Variants in CRB1 observed in about 807,000 individuals in gnomAD.
CRB1 encodes crumbs cell polarity complex component 1.
In CRB1, 83 loss-of-function variants were observed where a neutral mutation model predicts 120.0. That is an observed-to-expected ratio of 0.69 (90% CI 0.58 to 0.83). The LOEUF is 0.83. Ranked by LOEUF, CRB1 falls within the 40% of genes least tolerant of loss-of-function variation. The pLI is 0.00. For synonymous variants in CRB1, 625 were observed against 612.5 expected (o/e 1.02, Z -0.30); for missense variants, 1,699 against 1,687.6 (o/e 1.01, Z -0.12).
chr1:197,241,880 G>C, the CRB1 span, among the ~76,000 whole-genome samples: 1 of 151,974 alleles, frequency 6.6e-6, no homozygotes, highest in African/African-American at 2.4e-5. Context: ...GCAGTGGTTT[G>C]TAATTCTCCT....
intron 1 of CRB1, among the ~76,000 whole-genome samples, chr1:197,274,321 T>A (rs1003071095): frequency 6.6e-6 from 1 of 151,746 alleles, no homozygotes; most frequent in Non-Finnish European, 1.5e-5. Context: ...TTTTAGTTTT[T>A]CAGAATCCAC....
chr1:197,369,861 C>G (rs1339565027), intron 5 of CRB1, among the ~76,000 whole-genome samples: 1 of 152,130 alleles, frequency 6.6e-6, no homozygotes. Flanking sequence ...TGCTTAAGCT[C>G]AAATCATGCT....
the CRB1 span, among the ~76,000 whole-genome samples, chr1:197,206,076 G>GT: frequency 6.6e-6 from 1 of 151,810 alleles, no homozygotes; most frequent in Non-Finnish European, 1.5e-5. Context: ...ATGATCTTTT[G>GT]TATTTCTGTG....
chr1:197,453,814 G>T (rs28594101), intron 11 of CRB1, among the ~76,000 whole-genome samples: 1 of 141,716 alleles, frequency 7.1e-6, no homozygotes, highest in African/African-American at 2.6e-5. Context: ...ATAATATATT[G>T]TTAATTATTA....
At chr1:197,430,898 G>A (rs2125491722) in intron 8 of CRB1, among the ~76,000 whole-genome samples, 1 of 151,632 alleles carries the variant, frequency 6.6e-6, no homozygotes, top group South Asian at 2.1e-4. Context: ...TACATTATCA[G>A]CTTACTATAA....
chr1:197,354,750 A>C (rs537398594), intron 4 of CRB1, among the ~76,000 whole-genome samples: 2 of 137,244 alleles, frequency 1.5e-5, no homozygotes, highest in Non-Finnish European at 3.1e-5. Context: ...CACAGTGTAC[A>C]ACATGACCTC....
chr1:197,365,573 CT>C (rs1302509281), intron 5 of CRB1, among the ~76,000 whole-genome samples: 1 of 150,540 alleles, frequency 6.6e-6, no homozygotes, highest in African/African-American at 2.5e-5. Context: ...CTTTTCTTTT[CT>C]TTTTTTCTCC....
chr1:197,239,348 T>G, the CRB1 span, among the ~76,000 whole-genome samples: 1 of 152,134 alleles, frequency 6.6e-6, no homozygotes, highest in Non-Finnish European at 1.5e-5. Context: ...TACACACTTG[T>G]CTATTTGTCT....
chr1:197,461,470 A>G (rs1358721163), intron 11 of CRB1, among the ~76,000 whole-genome samples: 3 of 152,138 alleles, frequency 2.0e-5, no homozygotes, highest in African/African-American at 4.8e-5. Flanking sequence ...GGTGATGCAC[A>G]TGTGCATAAA....
chr1:197,216,101 T>G, the CRB1 span, among the ~76,000 whole-genome samples: 3 of 152,204 alleles, frequency 2.0e-5, no homozygotes, highest in Non-Finnish European at 2.9e-5. Flanking sequence ...AATGTAGAGT[T>G]TCCTTTCCTT....
intron 2 of CRB1, 24 bp from the exon 3 acceptor site, chr1:197,344,257 T>G: frequency 6.2e-7 from 1 of 1,612,858 alleles, no homozygotes; most frequent in Non-Finnish European, 8.5e-7. Flanking sequence ...TTTTCTGTTT[T>G]TTCTGTGCTG....
At chr1:197,415,457 T>C (rs745452771) in intron 5 of CRB1, among the ~76,000 whole-genome samples, 2 of 152,148 alleles carry the variant, frequency 1.3e-5, no homozygotes, top group African/African-American at 2.4e-5. Context: ...CCACTCTGGC[T>C]ACATTTAACC....
At chr1:197,433,247 T>G (rs1482922770) in intron 8 of CRB1, among the ~76,000 whole-genome samples, 2 of 152,070 alleles carry the variant, frequency 1.3e-5, no homozygotes, top group Non-Finnish European at 2.9e-5. Context: ...AGATGATAAC[T>G]AATGGAGCTT....
intron 5 of CRB1, among the ~76,000 whole-genome samples, chr1:197,365,960 G>A (rs1417457839): frequency 6.6e-6 from 1 of 152,094 alleles, no homozygotes; most frequent in Non-Finnish European, 1.5e-5. Flanking sequence ...AACAGGGAGA[G>A]AGAAGTCTAT....
the CRB1 span, among the ~76,000 whole-genome samples, chr1:197,214,935 A>C: frequency 6.6e-6 from 1 of 152,190 alleles, no homozygotes; most frequent in Non-Finnish European, 1.5e-5. Context: ...TCGTAAAAAC[A>C]AAACAAAAAG....
chr1:197,281,311 C>G (rs1655507862), intron 1 of CRB1, among the ~76,000 whole-genome samples: 1 of 151,794 alleles, frequency 6.6e-6, no homozygotes, highest in South Asian at 2.1e-4. Context: ...AATGAATTAT[C>G]TTATACTAGA....
chr1:197,338,977 A>C (rs920241443), intron 2 of CRB1, among the ~76,000 whole-genome samples: 2 of 152,314 alleles, frequency 1.3e-5, no homozygotes, highest in Admixed American at 6.5e-5. Context: ...GGAGTAAAAA[A>C]GGAGTCAGAA....
intron 11 of CRB1, among the ~76,000 whole-genome samples, chr1:197,450,715 C>A (rs1337065027): frequency 2.8e-5 from 4 of 140,758 alleles, no homozygotes; most frequent in Non-Finnish European, 6.0e-5. Flanking sequence ...CCGAGGTGGG[C>A]GGATCACGAG....
intron 5 of CRB1, among the ~76,000 whole-genome samples, chr1:197,414,313 C>T (rs1663861045): frequency 6.6e-6 from 1 of 151,922 alleles, no homozygotes; most frequent in African/African-American, 2.4e-5. Flanking sequence ...TATATAACTT[C>T]ATATTAGATA....
Sources: gnomAD v4.1 joint callset for allele counts (sites outside exome capture counted in the v4.1 genomes callset) on GRCh38, gnomAD v4.1.1 for gene constraint, MANE v1.5 for transcripts, NCBI Gene and HGNC (gene_info 2026-07-23, HGNC 2026-07-21) for gene names.